CREBBP: variants seen among roughly 807,000 people sequenced by gnomAD.
CREBBP encodes CREB-binding protein.
CREBBP carries 19 observed loss-of-function variants against 265.0 expected under a neutral mutation model. The ratio of observed to expected loss-of-function variants is 0.07; its 90% CI spans 0.05 to 0.11. The LOEUF (loss-of-function observed/expected upper bound fraction) is 0.11. Ranked by LOEUF, CREBBP falls within the 10% of genes least tolerant of loss-of-function variation. The pLI is 1.00. For synonymous variants in CREBBP, 1,457 were observed against 1,223.7 expected (o/e 1.19, Z -3.98); for missense variants, 2,525 against 3,219.0 (o/e 0.78, Z 5.22).
chr16:3,813,800 T>TGACA (rs2053982994), intron 2 of CREBBP, among the ~76,000 whole-genome samples: 1 of 152,162 alleles, frequency 6.6e-6, no homozygotes, highest in Non-Finnish European at 1.5e-5. Context: ...TCAACCAATT[T>TGACA]GACAAACAAA....
chr16:3,853,961 AACACACAC>A (rs371504662), intron 1 of CREBBP, among the ~76,000 whole-genome samples: 1 of 145,132 alleles, frequency 6.9e-6, no homozygotes, highest in African/African-American at 2.7e-5. Flanking sequence ...CAAACAAACA[AACACACAC>A]ACACACACAC....
chr16:3,782,219 T>C (rs964560445), intron 6 of CREBBP, among the ~76,000 whole-genome samples: 1 of 152,236 alleles, frequency 6.6e-6, no homozygotes, highest in African/African-American at 2.4e-5. Flanking sequence ...TCCAGCAGCC[T>C]GAGCCAAGAG....
chr16:3,730,034 C>G (rs1288155449), intron 30 of CREBBP, among the ~76,000 whole-genome samples, 160 bp from the exon 31 acceptor site: 1 of 152,020 alleles, frequency 6.6e-6, no homozygotes, highest in Admixed American at 6.6e-5. Flanking sequence ...GTGGGAGACC[C>G]GGACAGGGCG....
chr16:3,875,050 T>C (rs192197731), intron 1 of CREBBP, among the ~76,000 whole-genome samples: 37 of 152,324 alleles, frequency 2.4e-4, no homozygotes, highest in African/African-American at 8.9e-4. Flanking sequence ...GGTAATCACA[T>C]ACTTTGCCAC....
At chr16:3,839,933 T>C (rs1225909825) in intron 2 of CREBBP, among the ~76,000 whole-genome samples, 1 of 152,206 alleles carries the variant, frequency 6.6e-6, no homozygotes, top group African/African-American at 2.4e-5. Context: ...AGGTACATCC[T>C]GAATCATACA....
At chr16:3,786,626 A>G (rs909296648) in intron 5 of CREBBP, among the ~76,000 whole-genome samples, 2 of 152,202 alleles carry the variant, frequency 1.3e-5, no homozygotes, top group Admixed American at 1.3e-4. Context: ...GGGGTCACCC[A>G]ACGCAGGCCA....
chr16:3,768,173 A>G (rs1268455736), intron 15 of CREBBP, among the ~76,000 whole-genome samples: 2 of 39,908 alleles, frequency 5.0e-5, no homozygotes, highest in Non-Finnish European at 8.3e-5. Context: ...TTTTTTTGAG[A>G]CAGAGTCTAA....
rs1567305574 is a variant in CREBBP, at chr16:3,778,028, TGTGCCTGTGGAATCACAGGGG to T, written c.2075_2095del (p.Pro692_Ala698del). On this transcript the variant is annotated inframe_deletion, in exon 10 of 31. Transcript: ENST00000262367. ...ATCCTTACTTGGAGGTCTCACAGGTTGTGCCTGTGGAATCACAGGGGGCTGAGCCCCCGGGGCTGGTAAGGC... is the reference window on the plus strand; with the variant it reads ...ATCCTTACTTGGAGGTCTCACAGGTTGCTGAGCCCCCGGGGCTGGTAAGGC... The T allele has an allele frequency of 1.1e-5, 17 of 1,614,222 alleles. No individual in the cohort carries two copies. Among genetic ancestry groups the T allele is most frequent in the Non-Finnish European group, 1.4e-5 (16 of 1,180,018 alleles).
Position 3,731,931 on chromosome 16 carries a change from G to T in CREBBP, c.4735C>A (p.Gln1579Lys), listed in dbSNP as rs746079826. The change falls in exon 29 of 31, where the codon CAG becomes AAG. Residue 1579 changes from glutamine (Q) to lysine (K), a missense_variant. Coordinates refer to ENST00000262367, the MANE Select transcript of CREBBP (RefSeq NM_004380.3). The surrounding 1 kb of genome is among the most constrained non-coding windows in gnomAD (Gnocchi z 7.7). ...TTCTTGGCATTCTTGCTGTCGCCCT[G>T]ACTGCCCTGCAACAACACGCAAGGC... is the stretch of plus-strand genomic sequence containing the variant. ...TAASETTEGS[Q>K]GDSKNAKKKN... 6.2e-7 allele frequency: 1 copy of T among 1,614,086 alleles called. No individual in the cohort carries two copies. Among genetic ancestry groups the T allele is most frequent in the Non-Finnish European group, 8.5e-7 (1 of 1,180,052 alleles).
intron 23 of CREBBP, among the ~76,000 whole-genome samples, chr16:3,744,048 CCTGGCGA>C (rs2052281245): frequency 6.6e-6 from 1 of 152,108 alleles, no homozygotes; most frequent in South Asian, 2.1e-4. Context: ...TGCACTCCAG[CCTGGCGA>C]CAGAGCGAGA....
chr16:3,804,857 G>C (rs747580834), intron 3 of CREBBP, among the ~76,000 whole-genome samples: 13 of 152,206 alleles, frequency 8.5e-5, no homozygotes, highest in Non-Finnish European at 1.3e-4. Flanking sequence ...AGGAGGTTTT[G>C]CTGAAGAAAG....
rs960922802 is a variant in CREBBP at position 3,726,981 on chromosome 16, T to C, written c.*737A>G. 15 of 233,574 alleles carry C rather than the reference T, an allele frequency of 6.4e-5. No homozygotes were observed. Among genetic ancestry groups the C allele is most frequent in the African/African-American group, 2.6e-4 (12 of 45,360 alleles). 14.5% of individuals were successfully genotyped at this position (233,574 alleles called of 1,614,324 possible). On this transcript the variant is annotated 3_prime_UTR_variant, in exon 31 of 31. Transcript: ENST00000262367. ...GCTTTTCCTCATTTCAAGTTTCACA[T>C]AGAAGAAAGAAAAGAAGGCTTCTTC...
chr16:3,769,214 T>C lies in CREBBP; in HGVS notation c.3020A>G (p.Glu1007Gly), dbSNP rs2141190675. The change falls in exon 15 of 31, where the codon GAG (glutamate) becomes GGG (glycine). Residue 1007 changes from glutamate (E) to glycine (G), a missense_variant. Physicochemically the swap from Glu to Gly is moderately conservative, Grantham distance 98. Around this residue, in one of 19 missense-constraint regions of CREBBP, gnomAD observed 548 missense variants for 533.0 expected, o/e 1.03. Transcript: ENST00000262367. Reference protein sequence around the residue: ...MKTETQAEDTEPDPGESKGEP... With the variant: ...MKTETQAEDTGPDPGESKGEP... ...CCCTTTGGATTCACCAGGATCGGGC[T>C]CAGTGTCCTCTGCTTGGGTCTCCGT... 1 of 1,614,108 alleles carries C rather than the reference T, an allele frequency of 6.2e-7. No individual in the cohort carries two copies. Among genetic ancestry groups the C allele is most frequent in the South Asian group, 1.1e-5 (1 of 91,066 alleles).
chr16:3,799,779 G>A (rs1473973610), intron 3 of CREBBP, among the ~76,000 whole-genome samples: 1 of 152,166 alleles, frequency 6.6e-6, no homozygotes, highest in East Asian at 1.9e-4. Context: ...TGTGGAGCAG[G>A]GGAATGGGCC....
intron 21 of CREBBP, among the ~76,000 whole-genome samples, chr16:3,748,139 C>T (rs1035205047): frequency 1.7e-4 from 25 of 145,058 alleles, no homozygotes; most frequent in African/African-American, 4.7e-4. Context: ...GTTAGCTGGG[C>T]GTGGTGGCGG....
In CREBBP at chr16:3,727,550, T is replaced by G; in HGVS notation, c.*168A>C. 1.2e-6 allele frequency: 1 copy of G among 866,038 alleles called. No individual in the cohort carries two copies. The highest frequency in any genetic ancestry group is 1.5e-6 in the Non-Finnish European group (1 of 685,362). 53.6% of individuals were successfully genotyped at this position (866,038 alleles called of 1,614,324 possible). ...GAGACCAGATATTTAAATCAACTGGTTTTTAACAAAAAAATATATTCTTTG... is the reference window on the plus strand; with the variant it reads ...GAGACCAGATATTTAAATCAACTGGGTTTTAACAAAAAAATATATTCTTTG... On this transcript the variant is annotated 3_prime_UTR_variant, in exon 31 of 31. Coordinates refer to ENST00000262367, the MANE Select transcript of CREBBP (RefSeq NM_004380.3).
At chr16:3,820,082 A>G (rs1393941386) in intron 2 of CREBBP, among the ~76,000 whole-genome samples, 4 of 152,266 alleles carry the variant, frequency 2.6e-5, no homozygotes, top group African/African-American at 4.8e-5. Flanking sequence ...AGTTTGCTAA[A>G]TAATTGAATA....
chr16:3,772,589 A>G (rs2053039458), intron 13 of CREBBP, among the ~76,000 whole-genome samples: 1 of 152,164 alleles, frequency 6.6e-6, no homozygotes, highest in African/African-American at 2.4e-5. Context: ...GCACTACAAG[A>G]ACAGAAGTGA....
At chr16:3,764,635 G>A (rs978875108) in intron 16 of CREBBP, among the ~76,000 whole-genome samples, 3 of 152,090 alleles carry the variant, frequency 2.0e-5, no homozygotes, top group Non-Finnish European at 4.4e-5. Context: ...CCAGGCTGGA[G>A]TCCAACAGTG....
Sources: allele counts gnomAD v4.1 joint callset (sites outside exome capture counted in the v4.1 genomes callset), GRCh38; gene constraint gnomAD v4.1.1; regional missense constraint gnomAD v4.1.1; non-coding constraint Gnocchi (gnomAD v3.1); transcripts MANE v1.5; gene names NCBI Gene and HGNC (gene_info 2026-07-23, HGNC 2026-07-21).